The following RAB27A variants were observed in gnomAD, a reference collection of about 807,000 sequenced individuals.
RAB27A encodes RAB27A, member RAS oncogene family, also known as ras-related protein Rab-27A.
In RAB27A, 17 loss-of-function variants were observed where a neutral mutation model predicts 20.8. The observed-to-expected ratio is 0.82, with a 90% confidence interval of 0.56 to 1.23. RAB27A has a LOEUF of 1.23. Ranked by LOEUF, RAB27A falls within the 50% of genes most tolerant of loss-of-function variation. The pLI is 0.00. For missense variants in RAB27A, 277 were observed against 266.7 expected, an observed-to-expected ratio of 1.04 and a Z score of -0.27; for synonymous variants, 85 against 92.8, an observed-to-expected ratio of 0.92 and a Z score of 0.48.
chr15:55,251,483 T>C (rs1457983517), intron 2 of RAB27A, among the ~76,000 whole-genome samples: 1 of 152,138 alleles, frequency 6.6e-6, no homozygotes, highest in African/African-American at 2.4e-5. Flanking sequence ...AGGATGTCTG[T>C]AACCAGCTAC....
chr15:55,226,913 C>T (rs937767155), intron 5 of RAB27A, among the ~76,000 whole-genome samples: 3 of 149,648 alleles, frequency 2.0e-5, no homozygotes, highest in African/African-American at 7.4e-5. Context: ...CATTGTAATA[C>T]TCAAAAGGCT....
chr15:55,265,447 C>T (rs1292947442), intron 2 of RAB27A, among the ~76,000 whole-genome samples: 1 of 152,082 alleles, frequency 6.6e-6, no homozygotes, highest in Non-Finnish European at 1.5e-5. Context: ...GGACAAGTGA[C>T]AGATGTGAAT....
chr15:55,299,944 C>T (rs771959402), intron 2 of RAB27A, among the ~76,000 whole-genome samples: 4 of 151,780 alleles, frequency 2.6e-5, no homozygotes, highest in African/African-American at 4.8e-5. Context: ...CTTCAGCCTC[C>T]CAAGCAGCTG....
chr15:55,258,143 A>C (rs931739979), intron 2 of RAB27A, among the ~76,000 whole-genome samples: 1 of 151,426 alleles, frequency 6.6e-6, no homozygotes. Flanking sequence ...CCTTCTCTGC[A>C]CCTCTCACTC....
intron 6 of RAB27A, among the ~76,000 whole-genome samples, chr15:55,212,532 C>CTT (rs59221045): frequency 0.031 from 4,213 of 133,988 alleles, 104 homozygotes; most frequent in Non-Finnish European, 0.042. Context: ...AGCAACAAAT[C>CTT]TTTTTTTTTT....
chr15:55,304,612 C>A (rs1214264347), intron 2 of RAB27A, among the ~76,000 whole-genome samples: 3 of 152,130 alleles, frequency 2.0e-5, no homozygotes, highest in African/African-American at 7.2e-5. Context: ...TGAAAACATA[C>A]CAATAGGTGC....
intron 6 of RAB27A, among the ~76,000 whole-genome samples, chr15:55,210,211 G>C (rs867323925): frequency 8.4e-6 from 1 of 119,266 alleles, no homozygotes; most frequent in Non-Finnish European, 1.7e-5. Context: ...ATACACACAT[G>C]TATGTGTATG....
intron 2 of RAB27A, among the ~76,000 whole-genome samples, chr15:55,310,778 C>T (rs1035474500): frequency 1.3e-5 from 2 of 151,840 alleles, no homozygotes; most frequent in African/African-American, 4.8e-5. Flanking sequence ...TTTGAAGTTT[C>T]TTTCTAATGT....
chr15:55,304,008 T>C (rs1054994215), intron 2 of RAB27A, among the ~76,000 whole-genome samples: 2 of 151,330 alleles, frequency 1.3e-5, no homozygotes, highest in African/African-American at 4.9e-5. Flanking sequence ...ATGGCGGCTT[T>C]GTGGAATAGA....
At chr15:55,298,052 A>G (rs993572228) in intron 2 of RAB27A, among the ~76,000 whole-genome samples, 1 of 151,962 alleles carries the variant, frequency 6.6e-6, no homozygotes, top group Non-Finnish European at 1.5e-5. Flanking sequence ...AAAAATACAA[A>G]AAATTAGCTG....
At chr15:55,246,680 T>C (rs537066421) in intron 2 of RAB27A, among the ~76,000 whole-genome samples, 8 of 151,340 alleles carry the variant, frequency 5.3e-5, no homozygotes, top group Admixed American at 5.3e-4. Flanking sequence ...GAAACAGGTG[T>C]GGCTGTTTGA....
At chr15:55,210,815 G>C (rs1894990664) in intron 6 of RAB27A, among the ~76,000 whole-genome samples, 1 of 152,004 alleles carries the variant, frequency 6.6e-6, no homozygotes, top group Non-Finnish European at 1.5e-5. Context: ...TGTGTTTTGT[G>C]GTCTTACACA....
chr15:55,235,989 A>G (rs1896240343), intron 2 of RAB27A, among the ~76,000 whole-genome samples: 1 of 152,108 alleles, frequency 6.6e-6, no homozygotes, highest in African/African-American at 2.4e-5. Flanking sequence ...AGAATGATAC[A>G]ATGGACTTTG....
At chr15:55,259,047 G>A (rs547998257) in intron 2 of RAB27A, among the ~76,000 whole-genome samples, 5 of 152,056 alleles carry the variant, frequency 3.3e-5, no homozygotes, top group African/African-American at 9.7e-5. Flanking sequence ...AACTCCTAGC[G>A]GCAAGTGATC....
At chr15:55,219,935 T>C (rs1276682885) in intron 6 of RAB27A, among the ~76,000 whole-genome samples, 1 of 152,098 alleles carries the variant, frequency 6.6e-6, no homozygotes, top group Non-Finnish European at 1.5e-5. Flanking sequence ...TTAACCAAGT[T>C]TCACAGCAAA....
chr15:55,205,875 T>G (rs1894624853), intron 6 of RAB27A, among the ~76,000 whole-genome samples, 170 bp from the exon 7 acceptor site: 1 of 152,158 alleles, frequency 6.6e-6, no homozygotes, highest in South Asian at 2.1e-4. Flanking sequence ...ATACTCACAC[T>G]GCATTTCCAG....
intron 2 of RAB27A, among the ~76,000 whole-genome samples, chr15:55,297,850 C>A (rs937813588): frequency 1.1e-4 from 16 of 152,076 alleles, no homozygotes; most frequent in Admixed American, 2.6e-4. Flanking sequence ...TAATAAAAAA[C>A]CATCAACAAA....
intron 2 of RAB27A, among the ~76,000 whole-genome samples, chr15:55,313,195 C>T (rs991546096): frequency 6.6e-6 from 1 of 152,196 alleles, no homozygotes; most frequent in Non-Finnish European, 1.5e-5. Context: ...GGAAGAAGAT[C>T]GCTTGAGTCC....
intron 6 of RAB27A, among the ~76,000 whole-genome samples, chr15:55,218,475 T>A (rs1895414960): frequency 6.6e-6 from 1 of 152,252 alleles, no homozygotes; most frequent in South Asian, 2.1e-4. Flanking sequence ...AAGCTATTTG[T>A]ACCGCATTTC....
Sources: gnomAD v4.1 joint callset for allele counts (sites outside exome capture counted in the v4.1 genomes callset) on GRCh38, gnomAD v4.1.1 for gene constraint, MANE v1.5 for transcripts, NCBI Gene and HGNC (gene_info 2026-07-23, HGNC 2026-07-21) for gene names.